The following RNF213 variants were observed in gnomAD, a reference collection of about 807,000 sequenced individuals.
RNF213 encodes E3 ubiquitin-protein ligase RNF213.
In RNF213, 341 loss-of-function variants were observed where a neutral mutation model predicts 514.4. That is an observed-to-expected ratio of 0.66 (90% confidence interval 0.61 to 0.73). RNF213 has a LOEUF of 0.73. RNF213 is among the 30% of genes least tolerant of loss of function. RNF213 has a pLI of 0.00. For synonymous variants in RNF213, 2,655 were observed against 2,658.2 expected (o/e 1.00, Z 0.04); for missense variants, 5,767 against 6,615.6 (o/e 0.87, Z 4.45).
chr17:80,291,530 A>G lies in RNF213; in HGVS notation c.1272-98A>G, dbSNP rs1387493046. ...GGGCCACTGAACCCAGCCTTGCCAC[A>G]TCAACTTATAGCTTTGCACTCCATG... On this transcript the variant is annotated intron_variant, in intron 7 of 67. Coordinates refer to ENST00000582970, the MANE Select transcript of RNF213 (RefSeq NM_001256071.3). 12 of 1,250,006 alleles carry G rather than the reference A, an allele frequency of 9.6e-6. 1 individual carries two copies. Among genetic ancestry groups the G allele is most frequent in the Admixed American group, 1.7e-5 (1 of 59,260 alleles). 77.4% of individuals were successfully genotyped at this position (1,250,006 alleles called of 1,614,324 possible). A position where few individuals can be genotyped will look rare whatever the true frequency, so the allele number is the denominator to read the frequency against.
Position 80,398,627 on chromosome 17 carries a change from G to C in RNF213, c.*5129G>C, listed in dbSNP as rs994306651. ...CCACCCGCCCGCCCCAACAGTGGTTGAGAGAACAGCAGCATAAGTGGCTGG... is the reference window on the plus strand; with the variant it reads ...CCACCCGCCCGCCCCAACAGTGGTTCAGAGAACAGCAGCATAAGTGGCTGG... On this transcript the variant is annotated 3_prime_UTR_variant, in exon 68 of 68. Coordinates refer to ENST00000582970, the MANE Select transcript of RNF213 (RefSeq NM_001256071.3). 2.3e-5 allele frequency: 3 copies of C among 132,742 alleles called. No homozygotes were observed. Among genetic ancestry groups the C allele is most frequent in the Non-Finnish European group, 4.6e-5 (3 of 64,790 alleles). The allele number at this position is 132,742 out of a possible 1,614,324, so 8.2% of individuals were successfully genotyped here.
chr17:80,392,284 A>G (rs1162610435), intron 67 of RNF213, among the ~76,000 whole-genome samples: 1 of 152,234 alleles, frequency 6.6e-6, no homozygotes, highest in South Asian at 2.1e-4. Context: ...AGTCTTTACT[A>G]GCCTGTGCTT....
At chr17:80,331,357 G>A (rs1050194169) in intron 20 of RNF213, among the ~76,000 whole-genome samples, 29 of 149,680 alleles carry the variant, frequency 1.9e-4, no homozygotes, top group Admixed American at 6.0e-4. Context: ...TATCCTGTTC[G>A]CCATTCCTCC....
intron 15 of RNF213, chr17:80,315,634 GTGGTGGTGGTAATGGAGGTGA>G (rs1599004118): frequency 7.8e-6 from 1 of 128,988 alleles, no homozygotes; most frequent in East Asian, 2.5e-4. Flanking sequence ...GGAGGTGATG[GTGGTGGTGGTAATGGAGGTGA>G]TGGTGGTGGT....
chr17:80,272,006 C>T (rs948597798), intron 2 of RNF213, among the ~76,000 whole-genome samples: 7 of 147,268 alleles, frequency 4.8e-5, no homozygotes, highest in South Asian at 2.1e-4. Context: ...GAAAAGAGGC[C>T]GGGTGGGGTG....
rs375693737 is a variant in RNF213, at chr17:80,295,621, C to T, written c.1820C>T (p.Thr607Met). 1.9e-5 allele frequency: 30 copies of T among 1,614,030 alleles called. No individual in the cohort carries two copies. Among genetic ancestry groups the T allele is most frequent in the East Asian group, 1.8e-4 (8 of 44,900 alleles). Residue 607 changes from threonine (T) to methionine (M), a missense_variant, in exon 10 of 68, where the codon ACG (threonine) becomes ATG (methionine). Thr to Met is a moderately conservative substitution (Grantham distance 81). This residue lies in a region of RNF213 where 592 missense variants were observed against 673.9 expected (regional missense o/e 0.88). Coordinates refer to ENST00000582970, the MANE Select transcript of RNF213 (RefSeq NM_001256071.3). Reference sequence around the variant, plus strand: ...GTACCATTGCCGGACGGAAAAAGCACGGACTTTTTGCCTGTGGACTGCCCA... The same window carrying T: ...GTACCATTGCCGGACGGAAAAAGCATGGACTTTTTGCCTGTGGACTGCCCA... The part of the protein sequence containing the change: ...HVVPLPDGKS[T>M]DFLPVDCPVR...
At position 80,309,174 on chromosome 17, in the gene RNF213, A is replaced by G; in HGVS notation, c.2655+3A>G. Reference sequence around the variant, plus strand: ...TGATTAGACTTCTATCTCTGGTGGTAAGTGGAGTCAACACACAAGGTATCA... The same window carrying G: ...TGATTAGACTTCTATCTCTGGTGGTGAGTGGAGTCAACACACAAGGTATCA... On this transcript the variant is annotated splice_donor_region_variant and intron_variant, in intron 14 of 67. Coordinates refer to ENST00000582970, the MANE Select transcript of RNF213 (RefSeq NM_001256071.3). 1 of 1,614,186 alleles carries G rather than the reference A, an allele frequency of 6.2e-7. No homozygotes were observed. Among genetic ancestry groups the G allele is most frequent in the South Asian group, 1.1e-5 (1 of 91,086 alleles).
chr17:80,370,226 C>T (rs954100828), intron 46 of RNF213, among the ~76,000 whole-genome samples: 1 of 152,178 alleles, frequency 6.6e-6, no homozygotes, highest in Non-Finnish European at 1.5e-5. Flanking sequence ...GAATCCTGCT[C>T]ACCCTGAATG....
At position 80,263,619 on chromosome 17, in the gene RNF213, T is replaced by A; in HGVS notation, c.-63T>A. The A allele has an allele frequency of 7.6e-7, 1 of 1,309,082 alleles. No homozygotes were observed. Among genetic ancestry groups the A allele is most frequent in the Non-Finnish European group, 1.1e-6 (1 of 901,444 alleles). The allele number at this position is 1,309,082 out of a possible 1,614,324, so 81.1% of individuals were successfully genotyped here. A position where few individuals can be genotyped will look rare whatever the true frequency, so the allele number is the denominator to read the frequency against. On this transcript the variant is annotated 5_prime_UTR_variant, in exon 2 of 68. An upstream open reading frame in the 5' UTR loses its in-frame stop. Transcript: ENST00000582970. This position sits in a 1 kb window ranked among gnomAD's most constrained non-coding sequence, Gnocchi z 4.9. ...GTCACGTGACAGGACATGTAGTATA[T>A]AGCAGGCTGCCAGCGACTCCTGCTC...
chr17:80,302,455 A>G (rs76450493), intron 11 of RNF213, among the ~76,000 whole-genome samples: 2,799 of 152,314 alleles, frequency 0.018, 82 homozygotes, highest in African/African-American at 0.065. Context: ...TACAGTGCAT[A>G]AAATGTATTC....
chr17:80,290,499 G>A (rs11651637), intron 6 of RNF213, 71 bp from the exon 7 acceptor site: 322,486 of 1,574,590 alleles, frequency 0.2, 35,862 homozygotes, highest in African/African-American at 0.41. Context: ...GTGTGTGTGC[G>A]CGTGTGTGCA....
In RNF213 at chr17:80,353,674, C is replaced by G. The variant is rs375680172; in HGVS notation, c.10578+8C>G. The G allele has an allele frequency of 1.9e-6, 3 of 1,614,058 alleles. No homozygotes were observed. In the African/African-American group the frequency reaches 4.0e-5, roughly 22 times the overall value. On this transcript the variant is annotated splice_region_variant and intron_variant, in intron 34 of 67. Transcript: ENST00000582970. This position sits in a 1 kb window ranked among gnomAD's most constrained non-coding sequence, Gnocchi z 5.0. Reference sequence around the variant, plus strand: ...GAACTCGGAGGCAGTGATGTAAGTTCTGGTTCTTGGGACCTCCCCTTGTGC... The same window carrying G: ...GAACTCGGAGGCAGTGATGTAAGTTGTGGTTCTTGGGACCTCCCCTTGTGC...
rs1053279955 is a variant in RNF213 at position 80,264,609 on chromosome 17, G to A, written c.97+831G>A. ...CTGCTTCTATCGGACCCATCACCCC[G>A]GGGCCCTCTCCTTCCTCCATGACCC... On this transcript the variant is annotated intron_variant, in intron 2 of 67. Coordinates refer to ENST00000582970, the MANE Select transcript of RNF213 (RefSeq NM_001256071.3). The surrounding 1 kb of genome is among the most constrained non-coding windows in gnomAD (Gnocchi z 5.0). 9.9e-5 allele frequency among the ~76,000 whole-genome samples: 15 copies of A among 151,962 alleles called. No individual in the cohort carries two copies. The highest frequency in any genetic ancestry group is 1.5e-4 in the Non-Finnish European group (10 of 67,996).
At chr17:80,391,461 C>T (rs747598702) in intron 67 of RNF213, among the ~76,000 whole-genome samples, 1 of 151,942 alleles carries the variant, frequency 6.6e-6, no homozygotes, top group East Asian at 1.9e-4. Context: ...AGTACAGAGA[C>T]GGGGTTTCTC....
At chr17:80,351,079 T>G (rs2078492760) in intron 31 of RNF213, among the ~76,000 whole-genome samples, 1 of 152,248 alleles carries the variant, frequency 6.6e-6, no homozygotes, top group Non-Finnish European at 1.5e-5. Context: ...TGGACCTTTT[T>G]GAAGCATTGG....
At chr17:80,314,997 A>G (rs372690068) in intron 15 of RNF213, among the ~76,000 whole-genome samples, 11 of 1,514 alleles carry the variant, frequency 7.3e-3, no homozygotes, top group South Asian at 0.023. Context: ...GGTGGTGGTG[A>G]AGGTGATGGT....
chr17:80,273,694 G>A (rs1318252470), intron 3 of RNF213, among the ~76,000 whole-genome samples: 3 of 144,806 alleles, frequency 2.1e-5, no homozygotes, highest in Non-Finnish European at 1.5e-5. Context: ...ATCTCGGCTC[G>A]CTGCAGCCTC....
rs1312215678 is a variant in RNF213 at position 80,397,766 on chromosome 17, A to T, written c.*4268A>T. The T allele has an allele frequency of 1.3e-5, 2 of 151,270 alleles. No individual in the cohort carries two copies. Among genetic ancestry groups the T allele is most frequent in the African/African-American group, 4.9e-5 (2 of 41,124 alleles). 9.4% of individuals were successfully genotyped at this position (151,270 alleles called of 1,614,324 possible). A position where few individuals can be genotyped will look rare whatever the true frequency, so the allele number is the denominator to read the frequency against. On this transcript the variant is annotated 3_prime_UTR_variant, in exon 68 of 68. Transcript: ENST00000582970. ...CTCGTGTCTGAGGGGTTTTCTCTGC[A>T]GCTTGTCCTGCTACATTTCTTGGTT...
intron 30 of RNF213, among the ~76,000 whole-genome samples, 158 bp downstream of exon 30, chr17:80,350,064 A>G (rs1198551854): frequency 6.6e-6 from 1 of 151,886 alleles, no homozygotes; most frequent in African/African-American, 2.4e-5. Context: ...TCTCATCTCC[A>G]TCATCTTCTG....
Sources: allele counts gnomAD v4.1 joint callset (sites outside exome capture counted in the v4.1 genomes callset), GRCh38; gene constraint gnomAD v4.1.1; regional missense constraint gnomAD v4.1.1; non-coding constraint Gnocchi (gnomAD v3.1); transcripts MANE v1.5; gene names NCBI Gene and HGNC (gene_info 2026-07-23, HGNC 2026-07-21).